SH3D19: variants seen among roughly 807,000 people sequenced by gnomAD.
SH3D19 encodes the protein SH3 domain containing 19.
SH3D19 carries 58 observed loss-of-function variants against 112.1 expected under a neutral mutation model. The observed-to-expected ratio is 0.52, with a 90% confidence interval of 0.42 to 0.64. SH3D19 has a LOEUF of 0.64. Among genes scored for constraint, SH3D19 ranks in the 30% least tolerant of loss-of-function variants. SH3D19 has a pLI of 0.00. For missense variants in SH3D19, 1,090 were observed against 1,263.4 expected (o/e 0.86, Z 2.08); for synonymous variants, 391 against 448.5 (o/e 0.87, Z 1.62).
intron 3 of SH3D19, among the ~76,000 whole-genome samples, chr4:151,181,482 TTGAC>T (rs113061845): frequency 1.1e-4 from 16 of 152,260 alleles, no homozygotes; most frequent in East Asian, 7.7e-4. Context: ...ATCAACTGGT[TTGAC>T]TGACTATTAA....
At chr4:151,141,477 T>G (rs1350669710) in intron 12 of SH3D19, among the ~76,000 whole-genome samples, 1 of 152,036 alleles carries the variant, frequency 6.6e-6, no homozygotes, top group Non-Finnish European at 1.5e-5. Context: ...AAATGCCATA[T>G]CTACAAAAAA....
intron 8 of SH3D19, among the ~76,000 whole-genome samples, chr4:151,159,629 G>A (rs1287944377): frequency 1.3e-5 from 2 of 152,140 alleles, no homozygotes; most frequent in Non-Finnish European, 2.9e-5. Context: ...CAGGAATTAA[G>A]TTAGGCTCTA....
chr4:151,263,993 CAA>C (rs1772577920), intron 1 of SH3D19, among the ~76,000 whole-genome samples: 2 of 152,112 alleles, frequency 1.3e-5, no homozygotes, highest in South Asian at 4.1e-4. Flanking sequence ...TTTGTGGAGA[CAA>C]AGTCTTGTCA....
intron 2 of SH3D19, among the ~76,000 whole-genome samples, chr4:151,199,855 G>T (rs1764138679): frequency 1.3e-5 from 2 of 152,090 alleles, no homozygotes; most frequent in Non-Finnish European, 2.9e-5. Context: ...TATTTATTTT[G>T]CTATGGTCTG....
intron 7 of SH3D19, chr4:151,166,024 A>C (rs1757954888): frequency 4.6e-6 from 1 of 215,818 alleles, no homozygotes; most frequent in Non-Finnish European, 9.2e-6. Context: ...AGATGAGGAG[A>C]CCATCTTTCC....
chr4:151,278,475 A>G (rs553724180), intron 1 of SH3D19, among the ~76,000 whole-genome samples: 6 of 151,478 alleles, frequency 4.0e-5, no homozygotes, highest in Non-Finnish European at 7.4e-5. Context: ...CCTGACTAGT[A>G]TTTAGGAAGT....
chr4:151,129,727 T>G (rs1750212856), intron 17 of SH3D19, among the ~76,000 whole-genome samples: 1 of 152,208 alleles, frequency 6.6e-6, no homozygotes, highest in South Asian at 2.1e-4. Context: ...CTGCCACTTC[T>G]TAACTTCGTG....
At chr4:151,269,517 C>T (rs1773078547) in intron 1 of SH3D19, among the ~76,000 whole-genome samples, 1 of 152,136 alleles carries the variant, frequency 6.6e-6, no homozygotes, top group African/African-American at 2.4e-5. Context: ...AGTCCTTGCC[C>T]ATGCCTATGT....
At chr4:151,161,423 A>G (rs1757126480) in intron 8 of SH3D19, among the ~76,000 whole-genome samples, 1 of 152,072 alleles carries the variant, frequency 6.6e-6, no homozygotes, top group Non-Finnish European at 1.5e-5. Context: ...TGAGGAATTG[A>G]TTTTTGGTAT....
At chr4:151,214,903 C>T (rs2149918500) in intron 2 of SH3D19, among the ~76,000 whole-genome samples, 1 of 147,730 alleles carries the variant, frequency 6.8e-6, no homozygotes, top group South Asian at 2.2e-4. Flanking sequence ...AGGGGCTCCT[C>T]ACTTCTCAGA....
intron 1 of SH3D19, among the ~76,000 whole-genome samples, chr4:151,317,990 T>TA (rs139058641): frequency 6.9e-4 from 95 of 136,774 alleles, no homozygotes; most frequent in African/African-American, 1.3e-3. Context: ...GGCTGTTTCT[T>TA]AAAAAAAAAA....
chr4:151,312,251 T>A (rs1299436188), intron 1 of SH3D19, among the ~76,000 whole-genome samples: 2 of 152,164 alleles, frequency 1.3e-5, no homozygotes, highest in Non-Finnish European at 2.9e-5. Flanking sequence ...TCTGTTTGAA[T>A]AAAAGTTATC....
At chr4:151,247,384 G>T (rs1771015890) in intron 1 of SH3D19, among the ~76,000 whole-genome samples, 1 of 152,176 alleles carries the variant, frequency 6.6e-6, no homozygotes. Context: ...AGGGAAAGGA[G>T]GGTAGCTCTA....
At chr4:151,135,974 C>T (rs973964744) in intron 14 of SH3D19, among the ~76,000 whole-genome samples, 1 of 149,092 alleles carries the variant, frequency 6.7e-6, no homozygotes, top group Non-Finnish European at 1.5e-5. Flanking sequence ...GTGACAACAG[C>T]GAGACTGTCT....
At chr4:151,318,779 G>C (rs1315907504) in intron 1 of SH3D19, among the ~76,000 whole-genome samples, 1 of 152,112 alleles carries the variant, frequency 6.6e-6, no homozygotes, top group Non-Finnish European at 1.5e-5. Context: ...AAGCAGAGAG[G>C]TTACGTAACT....
intron 1 of SH3D19, among the ~76,000 whole-genome samples, chr4:151,266,853 T>A (rs1772828842): frequency 1.3e-5 from 2 of 152,336 alleles, no homozygotes; most frequent in African/African-American, 2.4e-5. Flanking sequence ...CTGGTCACTT[T>A]AAATATTATC....
At chr4:151,312,826 G>A (rs556427609) in intron 1 of SH3D19, among the ~76,000 whole-genome samples, 13 of 151,806 alleles carry the variant, frequency 8.6e-5, no homozygotes, top group East Asian at 1.9e-4. Flanking sequence ...GTGTGAACCC[G>A]GGAGGCGAAG....
intron 1 of SH3D19, among the ~76,000 whole-genome samples, chr4:151,286,103 C>T (rs1239025353): frequency 6.8e-6 from 1 of 146,816 alleles, no homozygotes; most frequent in East Asian, 2.0e-4. Flanking sequence ...ATTGCTAGAG[C>T]CCAGGAGTTC....
At chr4:151,242,147 T>C (rs1265537353) in intron 1 of SH3D19, among the ~76,000 whole-genome samples, 1 of 152,038 alleles carries the variant, frequency 6.6e-6, no homozygotes, top group Non-Finnish European at 1.5e-5. Flanking sequence ...AGCATACCAC[T>C]GCACTCCAGC....
Sources: allele counts gnomAD v4.1 joint callset (sites outside exome capture counted in the v4.1 genomes callset), GRCh38; gene constraint gnomAD v4.1.1; transcripts MANE v1.5; gene names NCBI Gene and HGNC (gene_info 2026-07-23, HGNC 2026-07-21).